The following CREB5 variants were observed in gnomAD, a reference collection of about 807,000 sequenced individuals.
The protein encoded by CREB5 is cAMP responsive element binding protein 5, also known as cyclic AMP-responsive element-binding protein 5.
In CREB5, 19 loss-of-function variants were observed where a neutral mutation model predicts 57.1. The observed-to-expected ratio is 0.33, with a 90% CI of 0.23 to 0.49. CREB5 has a LOEUF of 0.49. Among genes scored for constraint, CREB5 ranks in the 20% least tolerant of loss-of-function variants. CREB5 has a pLI of 0.99. For missense variants in CREB5, 579 were observed against 671.6 expected (o/e 0.86, Z 1.52); for synonymous variants, 238 against 238.3 (o/e 1.00, Z 0.01).
At position 28,819,419 on chromosome 7, in the gene CREB5, T is replaced by C. The variant is rs769401214; in HGVS notation, c.*140T>C. 1.2e-5 allele frequency: 10 copies of C among 802,874 alleles called. No individual in the cohort carries two copies. The highest frequency in any genetic ancestry group is 1.7e-5 in the Non-Finnish European group (9 of 535,480). 49.7% of individuals were successfully genotyped at this position (802,874 alleles called of 1,614,324 possible). On this transcript the variant is annotated 3_prime_UTR_variant, in exon 11 of 11. Coordinates refer to ENST00000357727, the MANE Select transcript of CREB5 (RefSeq NM_182898.4). ...CTGGCTTTCATTTTTATAGTTATTATGGAAATGTTGTCTTTTATACTTAGT... is the reference window on the plus strand; with the variant it reads ...CTGGCTTTCATTTTTATAGTTATTACGGAAATGTTGTCTTTTATACTTAGT...
chr7:28,722,130 A>G (rs142915054), intron 6 of CREB5, among the ~76,000 whole-genome samples: 38 of 152,362 alleles, frequency 2.5e-4, no homozygotes, highest in African/African-American at 8.7e-4. Context: ...TAGATAAATC[A>G]GCCTGTTTAA....
At chr7:28,395,865 G>A (rs893209383) in intron 1 of CREB5, among the ~76,000 whole-genome samples, 1 of 151,880 alleles carries the variant, frequency 6.6e-6, no homozygotes, top group Non-Finnish European at 1.5e-5. Context: ...GGGAAAAGAA[G>A]GGGTGGGCTG....
chr7:28,340,626 G>C lies in CREB5; in HGVS notation c.-25+41185G>C, dbSNP rs1048584821. On this transcript the variant is annotated intron_variant, in intron 1 of 9. Coordinates refer to the CREB5 transcript ENST00000396299. ...AGAGGGGTGGTGCAAGCACTTACTT[G>C]ACCACTCTGGCTGGTATCTCACTAA... Among the ~76,000 whole-genome samples the C allele has an allele frequency of 7.2e-5, 11 of 152,170 alleles. No individual in the cohort carries two copies. The South Asian group carries it at 1.5e-3, about 20-fold the overall frequency.
At chr7:28,735,127 G>A (rs774851886) in intron 7 of CREB5, among the ~76,000 whole-genome samples, 1 of 151,712 alleles carries the variant, frequency 6.6e-6, no homozygotes, top group Non-Finnish European at 1.5e-5. Context: ...GTTTTTTTGT[G>A]TGTGGATTTT....
chr7:28,470,674 A>G (rs1408689480), intron 1 of CREB5, among the ~76,000 whole-genome samples: 1 of 152,204 alleles, frequency 6.6e-6, no homozygotes, highest in Non-Finnish European at 1.5e-5. Context: ...CAGTGATTGT[A>G]CTAATTTACA....
At chr7:28,656,251 A>G (rs1799329533) in intron 5 of CREB5, among the ~76,000 whole-genome samples, 1 of 152,224 alleles carries the variant, frequency 6.6e-6, no homozygotes, top group Admixed American at 6.5e-5. Context: ...TATTTCAACT[A>G]AAAATAAAAA....
intron 9 of CREB5, among the ~76,000 whole-genome samples, chr7:28,817,499 C>A (rs1425696699): frequency 6.6e-6 from 1 of 152,198 alleles, no homozygotes; most frequent in Non-Finnish European, 1.5e-5. Context: ...ATTCTGATTG[C>A]ATTTCAGGTG....
chr7:28,538,937 A>C (rs115387588), intron 4 of CREB5, among the ~76,000 whole-genome samples: 2 of 152,170 alleles, frequency 1.3e-5, no homozygotes, highest in African/African-American at 4.8e-5. Flanking sequence ...GCTTAATTCC[A>C]TTGTGATCAG....
At chr7:28,429,310 G>A (rs1788625038) in intron 1 of CREB5, among the ~76,000 whole-genome samples, 1 of 152,184 alleles carries the variant, frequency 6.6e-6, no homozygotes, top group Non-Finnish European at 1.5e-5. Flanking sequence ...ATCGGTGCCA[G>A]CCACTGTGCC....
chr7:28,798,575 G>T (rs1295802035), intron 7 of CREB5, among the ~76,000 whole-genome samples: 1 of 152,212 alleles, frequency 6.6e-6, no homozygotes, highest in Non-Finnish European at 1.5e-5. Flanking sequence ...CGAATAGTTG[G>T]TTCCTTACCA....
intron 5 of CREB5, among the ~76,000 whole-genome samples, chr7:28,698,695 T>C (rs892912270): frequency 6.6e-6 from 1 of 152,170 alleles, no homozygotes; most frequent in African/African-American, 2.4e-5. Context: ...ATTGTGGAAA[T>C]GCTATGTTTT....
chr7:28,307,091 C>A (rs531655316), intron 1 of CREB5, among the ~76,000 whole-genome samples: 65 of 152,312 alleles, frequency 4.3e-4, no homozygotes, highest in African/African-American at 1.5e-3. Flanking sequence ...AATGTTCACT[C>A]TCAGCCGATA....
intron 5 of CREB5, among the ~76,000 whole-genome samples, chr7:28,649,672 A>C (rs922821293): frequency 5.9e-5 from 9 of 152,208 alleles, no homozygotes; most frequent in African/African-American, 1.7e-4. Flanking sequence ...TCATTCTCCC[A>C]ATAAATGCTA....
intron 7 of CREB5, among the ~76,000 whole-genome samples, chr7:28,763,035 T>C (rs1449305189): frequency 6.6e-6 from 1 of 152,128 alleles, no homozygotes; most frequent in East Asian, 1.9e-4. Flanking sequence ...TACCAAAAAA[T>C]TGGGAATTGT....
At chr7:28,398,643 GAA>G (rs1266398505) in intron 1 of CREB5, among the ~76,000 whole-genome samples, 2 of 152,270 alleles carry the variant, frequency 1.3e-5, no homozygotes, top group Admixed American at 6.5e-5. Context: ...CCCAGATGTT[GAA>G]AAGTCTTCTC....
chr7:28,374,837 C>A (rs528523941), intron 1 of CREB5, among the ~76,000 whole-genome samples: 17 of 152,284 alleles, frequency 1.1e-4, no homozygotes, highest in Non-Finnish European at 1.9e-4. Flanking sequence ...CACCTCATGC[C>A]CAGGTAGCCC....
intron 5 of CREB5, among the ~76,000 whole-genome samples, chr7:28,598,711 G>A (rs935774886): frequency 2.0e-5 from 3 of 152,094 alleles, no homozygotes; most frequent in Admixed American, 2.0e-4. Flanking sequence ...TTATCCCTCT[G>A]TTGAGTTGGC....
At position 28,491,283 on chromosome 7, in the gene CREB5, C is replaced by T. The variant is rs975268673; in HGVS notation, c.75+3037C>T. 8 of 983,122 alleles carry T rather than the reference C, an allele frequency of 8.1e-6. No individual in the cohort carries two copies. In the African/African-American group the frequency reaches 8.7e-5, roughly 11 times the overall value. The allele number at this position is 983,122 out of a possible 1,614,324, so 60.9% of individuals were successfully genotyped here. ...GAAGGGGTGAGCATGCTGGTTTACA[C>T]GGCTAATCCCCAGAAGATAAAGGGT... On this transcript the variant is annotated intron_variant, in intron 2 of 10. Coordinates refer to ENST00000357727, the MANE Select transcript of CREB5 (RefSeq NM_182898.4).
chr7:28,761,724 ATGTGTG>A (rs3831526), intron 7 of CREB5, among the ~76,000 whole-genome samples: 4 of 146,050 alleles, frequency 2.7e-5, no homozygotes, highest in Admixed American at 1.4e-4. Context: ...GATGTGAGGG[ATGTGTG>A]TGTGTGTGTG....
Sources: gnomAD v4.1 joint callset for allele counts (sites outside exome capture counted in the v4.1 genomes callset) on GRCh38, gnomAD v4.1.1 for gene constraint, MANE v1.5 for transcripts, NCBI Gene and HGNC (gene_info 2026-07-23, HGNC 2026-07-21) for gene names.